SAMD3: variants seen among roughly 807,000 people sequenced by gnomAD.
SAMD3 encodes sterile alpha motif domain-containing protein 3.
In SAMD3, 63 loss-of-function variants were observed where a neutral mutation model predicts 58.5. The ratio of observed to expected loss-of-function variants is 1.08; its 90% CI spans 0.88 to 1.33. SAMD3 has a LOEUF of 1.33. Among genes scored for constraint, SAMD3 ranks in the 40% most tolerant of loss-of-function variants. The pLI is 0.00. For synonymous variants in SAMD3, 220 were observed against 210.3 expected (o/e 1.05, Z -0.40); for missense variants, 604 against 608.4 (o/e 0.99, Z 0.08).
intron 2 of SAMD3, among the ~76,000 whole-genome samples, chr6:130,256,711 G>T (rs1003394046): frequency 2.0e-4 from 30 of 152,202 alleles, no homozygotes; most frequent in African/African-American, 6.3e-4. Flanking sequence ...TCCAATAAAA[G>T]AAATGAAACA....
At chr6:130,250,849 G>A (rs112534446) in intron 2 of SAMD3, among the ~76,000 whole-genome samples, 1 of 152,110 alleles carries the variant, frequency 6.6e-6, no homozygotes, top group Non-Finnish European at 1.5e-5. Flanking sequence ...TCTGTTGATG[G>A]ATTTGGGTTT....
chr6:130,177,100 C>G (rs1791797757), intron 7 of SAMD3, among the ~76,000 whole-genome samples: 2 of 152,080 alleles, frequency 1.3e-5, no homozygotes, highest in Admixed American at 6.5e-5. Flanking sequence ...TGAATCAATT[C>G]CTGGAGGACC....
At chr6:130,185,607 C>A (rs12174613) in intron 5 of SAMD3, among the ~76,000 whole-genome samples, 72,502 of 150,936 alleles carry the variant, frequency 0.48, 17,532 homozygotes, top group Non-Finnish European at 0.52. Context: ...GACTACAGGC[C>A]TGAGCCACTG....
intron 1 of SAMD3, among the ~76,000 whole-genome samples, chr6:130,326,273 CT>C (rs1275286204): frequency 6.6e-6 from 1 of 151,928 alleles, no homozygotes; most frequent in Non-Finnish European, 1.5e-5. Context: ...TGCTTAAATA[CT>C]ACTGAGCTGA....
intron 4 of SAMD3, among the ~76,000 whole-genome samples, chr6:130,213,449 A>G (rs1021264210): frequency 6.6e-6 from 1 of 152,068 alleles, no homozygotes; most frequent in Non-Finnish European, 1.5e-5. Context: ...TCAGGTCCCT[A>G]CCATTATATT....
intron 1 of SAMD3, chr6:130,365,061 G>T: frequency 2.0e-6 from 1 of 489,630 alleles, no homozygotes; most frequent in Non-Finnish European, 2.7e-6. Context: ...CATGCGGCTG[G>T]CCTGCACAGG....
intron 8 of SAMD3, chr6:130,162,369 T>G: frequency 4.4e-6 from 3 of 677,490 alleles, no homozygotes. Context: ...TGGTTAAAAA[T>G]GTAGTTATAG....
At chr6:130,346,251 C>A (rs1777446769) in intron 1 of SAMD3, among the ~76,000 whole-genome samples, 1 of 152,182 alleles carries the variant, frequency 6.6e-6, no homozygotes, top group African/African-American at 2.4e-5. Context: ...GCACACCGAG[C>A]ATGAGCTGAA....
At chr6:130,221,134 A>T (rs55646369) in intron 1 of SAMD3, among the ~76,000 whole-genome samples, 109 of 152,146 alleles carry the variant, frequency 7.2e-4, no homozygotes, top group African/African-American at 2.4e-3. Flanking sequence ...GATTACAGGC[A>T]TGAGCCACCA....
At chr6:130,284,651 C>T (rs1040450315) in intron 2 of SAMD3, among the ~76,000 whole-genome samples, 58 of 151,962 alleles carry the variant, frequency 3.8e-4, no homozygotes, top group Admixed American at 3.5e-3. Context: ...AATATCATGG[C>T]ATAAAATGAC....
At chr6:130,251,613 T>G (rs945425108) in intron 2 of SAMD3, among the ~76,000 whole-genome samples, 10 of 152,202 alleles carry the variant, frequency 6.6e-5, no homozygotes, top group African/African-American at 2.4e-4. Context: ...TCCAGCACAA[T>G]TTGTTGAAAG....
At chr6:130,231,702 A>G (rs956137905) in intron 2 of SAMD3, among the ~76,000 whole-genome samples, 3 of 152,206 alleles carry the variant, frequency 2.0e-5, no homozygotes, top group Admixed American at 6.5e-5. Context: ...GTTATTAAAA[A>G]CAATGCTATG....
rs569780456 is a variant in SAMD3, at chr6:130,182,375, C to T, written c.654+1728G>A. 7.9e-5 allele frequency among the ~76,000 whole-genome samples: 12 copies of T among 152,204 alleles called. No homozygotes were observed. In the South Asian group the frequency reaches 2.5e-3, roughly 32 times the overall value. ...AAGAATACCTGAATTCTAATCTTGG[C>T]TTCAATAACTATCATTTTTCCAGAC... On this transcript the variant is annotated intron_variant, in intron 7 of 11. Transcript: ENST00000439090.
At chr6:130,265,256 T>G (rs1232323323) in intron 2 of SAMD3, among the ~76,000 whole-genome samples, 1 of 152,152 alleles carries the variant, frequency 6.6e-6, no homozygotes, top group Non-Finnish European at 1.5e-5. Flanking sequence ...TTTATTCTAG[T>G]GGGCCCAACC....
chr6:130,287,495 T>C (rs746263828), intron 2 of SAMD3, among the ~76,000 whole-genome samples: 3 of 152,182 alleles, frequency 2.0e-5, no homozygotes, highest in Non-Finnish European at 2.9e-5. Context: ...AGGTGTTAAT[T>C]TGAGGAAGAT....
chr6:130,334,792 T>A (rs1003396067), intron 1 of SAMD3, among the ~76,000 whole-genome samples: 2 of 152,230 alleles, frequency 1.3e-5, no homozygotes, highest in Admixed American at 1.3e-4. Context: ...TGAAAGCCCA[T>A]GTTCCCCAAC....
intron 1 of SAMD3, among the ~76,000 whole-genome samples, chr6:130,348,942 C>A (rs1411547881): frequency 6.6e-6 from 1 of 152,108 alleles, no homozygotes; most frequent in Non-Finnish European, 1.5e-5. Flanking sequence ...AACCACTCAA[C>A]TACATGGAAA....
intron 5 of SAMD3, among the ~76,000 whole-genome samples, chr6:130,207,984 C>T (rs1366664266): frequency 1.3e-5 from 2 of 152,266 alleles, no homozygotes; most frequent in East Asian, 1.9e-4. Context: ...CTGTTGCCCT[C>T]AGTCCCCTGA....
At chr6:130,220,076 A>T (rs1378951591) in intron 1 of SAMD3, among the ~76,000 whole-genome samples, 1 of 152,116 alleles carries the variant, frequency 6.6e-6, no homozygotes, top group African/African-American at 2.4e-5. Flanking sequence ...ATCTCGGCTC[A>T]TTGCAACCTC....
Sources: gnomAD v4.1 joint callset for allele counts (sites outside exome capture counted in the v4.1 genomes callset) on GRCh38, gnomAD v4.1.1 for gene constraint, MANE v1.5 for transcripts, NCBI Gene and HGNC (gene_info 2026-07-23, HGNC 2026-07-21) for gene names.